Variants in SPEN observed in about 807,000 individuals in gnomAD.
SPEN encodes the protein msx2-interacting protein.
SPEN carries 18 observed loss-of-function variants against 269.9 expected under a neutral mutation model. That is an observed-to-expected ratio of 0.07 (90% confidence interval 0.05 to 0.10). The LOEUF (loss-of-function observed/expected upper bound fraction) is 0.10. Ranked by LOEUF, SPEN falls within the 10% of genes least tolerant of loss-of-function variation. The probability of loss-of-function intolerance (pLI) is 1.00; values close to 1 mark genes in which losing one functional copy is unlikely to be tolerated. For synonymous variants in SPEN, 1,726 were observed against 1,765.7 expected, an observed-to-expected ratio of 0.98 and a Z score of 0.56; for missense variants, 3,822 against 4,631.2, an observed-to-expected ratio of 0.83 and a Z score of 5.07.
At chr1:15,879,744 C>T (rs753067061) in intron 3 of SPEN, among the ~76,000 whole-genome samples, 6 of 151,630 alleles carry the variant, frequency 4.0e-5, no homozygotes, top group Non-Finnish European at 8.8e-5. Flanking sequence ...GATCTCGGCT[C>T]ACTGCAAGCT....
In SPEN at chr1:15,932,300, A is replaced by G. The variant is rs1031502302; in HGVS notation, c.6060A>G (p.Gln2020=). ...AGGCCACCACTGAGGTGGGCCCCCA[A>G]ATAGGCGTGAAAGAGAGCTCCATGG... ...RPEATTEVGP[Q]IGVKESSMEP... The change falls in exon 11 of 15, where the codon CAA becomes CAG. Residue 2020 remains glutamine (Q), a synonymous_variant. Coordinates refer to ENST00000375759, the MANE Select transcript of SPEN (RefSeq NM_015001.3). The surrounding 1 kb of genome is among the most constrained non-coding windows in gnomAD (Gnocchi z 4.2). 9 of 1,607,492 alleles carry G rather than the reference A, an allele frequency of 5.6e-6. No individual in the cohort carries two copies. Among genetic ancestry groups the G allele is most frequent in the Admixed American group, 5.1e-5 (3 of 58,458 alleles).
chr1:15,919,966 C>T (rs1342590933), intron 8 of SPEN, among the ~76,000 whole-genome samples: 2 of 151,994 alleles, frequency 1.3e-5, no homozygotes, highest in Non-Finnish European at 2.9e-5. Context: ...GGTCTCCAGA[C>T]CCAATTCAGT....
chr1:15,851,311 T>G (rs1246383709), intron 1 of SPEN, among the ~76,000 whole-genome samples: 2 of 152,232 alleles, frequency 1.3e-5, no homozygotes, highest in African/African-American at 4.8e-5. Context: ...AAATCTGTTG[T>G]TATTTTTACA....
chr1:15,940,134 TAAAAA>T lies in SPEN; in HGVS notation c.*709_*713del. On this transcript the variant is annotated 3_prime_UTR_variant, in exon 15 of 15. Coordinates refer to ENST00000375759, the MANE Select transcript of SPEN (RefSeq NM_015001.3). ...TATATAAATATATATAATACTGACT[TAAAAA>T]ATCAAATCCCCCGACATACGTTTTT... The T allele has an allele frequency of 4.5e-6, 1 of 220,422 alleles. No homozygotes were observed. Among genetic ancestry groups the T allele is most frequent in the Admixed American group, 5.8e-5 (1 of 17,180 alleles). The allele number at this position is 220,422 out of a possible 1,614,324, so 13.7% of individuals were successfully genotyped here. A position where few individuals can be genotyped will look rare whatever the true frequency, so the allele number is the denominator to read the frequency against.
rs751210646 is a variant in SPEN at position 15,930,769 on chromosome 1, A to G, written c.4529A>G (p.Asp1510Gly). Residue 1510 changes from aspartate to glycine, a missense_variant, in exon 11 of 15, where the codon GAT becomes GGT. Around this residue, in one of 16 missense-constraint regions of SPEN, gnomAD observed 533 missense variants for 618.8 expected, o/e 0.86. Transcript: ENST00000375759. This position sits in a 1 kb window ranked among gnomAD's most constrained non-coding sequence, Gnocchi z 5.3. ...ACTGATTCAGAAGGGAAAATGGATGATAAGAAAGAGGACCATAAAGAAGAA... is the reference window on the plus strand; with the variant it reads ...ACTGATTCAGAAGGGAAAATGGATGGTAAGAAAGAGGACCATAAAGAAGAA... ...IRTDSEGKMD[D>G]KKEDHKEEEQ... 5.6e-6 allele frequency: 9 copies of G among 1,614,224 alleles called. No individual in the cohort carries two copies. The highest frequency in any genetic ancestry group is 5.5e-5 in the South Asian group (5 of 91,078).
At chr1:15,895,860 T>A (rs760233868) in intron 3 of SPEN, among the ~76,000 whole-genome samples, 9 of 151,804 alleles carry the variant, frequency 5.9e-5, no homozygotes, top group Non-Finnish European at 1.3e-4. Context: ...TTTTTTATAT[T>A]TTTATTAGAG....
At position 15,929,169 on chromosome 1, in the gene SPEN, G is replaced by T. The variant is rs2071197455; in HGVS notation, c.2929G>T (p.Asp977Tyr). ...EQPADGVSAV[D>Y]LEKLEARKRR... ...GCCTGCAGATGGGGTAAGTGCTGTG[G>T]ATCTGGAGAAGCTGGAAGCCAGGAA... is the stretch of plus-strand genomic sequence containing the variant. The change falls in exon 11 of 15, where the codon GAT becomes TAT. Residue 977 changes from aspartate to tyrosine, a missense_variant. Coordinates refer to ENST00000375759, the MANE Select transcript of SPEN (RefSeq NM_015001.3). The surrounding 1 kb of genome is among the most constrained non-coding windows in gnomAD (Gnocchi z 5.8). 1 of 1,614,064 alleles carries T rather than the reference G, an allele frequency of 6.2e-7. No individual in the cohort carries two copies. The highest frequency in any genetic ancestry group is 8.5e-7 in the Non-Finnish European group (1 of 1,180,038).
rs779004613 is a variant in SPEN at position 15,931,390 on chromosome 1, C to G, written c.5150C>G (p.Ala1717Gly). ...DPDKEAAMMP[A>G]GVEEGSSGDQ... Reference sequence around the variant, plus strand: ...GATAAAGAAGCTGCCATGATGCCTGCGGGTGTTGAGGAAGGTTCATCAGGT... The same window carrying G: ...GATAAAGAAGCTGCCATGATGCCTGGGGGTGTTGAGGAAGGTTCATCAGGT... The change falls in exon 11 of 15, where the codon GCG becomes GGG. Residue 1717 changes from alanine to glycine, a missense_variant. Around this residue, in one of 16 missense-constraint regions of SPEN, gnomAD observed 533 missense variants for 618.8 expected, o/e 0.86. Coordinates refer to ENST00000375759, the MANE Select transcript of SPEN (RefSeq NM_015001.3). The surrounding 1 kb of genome is among the most constrained non-coding windows in gnomAD (Gnocchi z 4.8). 8.7e-6 allele frequency: 14 copies of G among 1,614,038 alleles called. No homozygotes were observed. The highest frequency in any genetic ancestry group is 1.2e-5 in the Non-Finnish European group (14 of 1,180,050).
chr1:15,930,262 A>C lies in SPEN; in HGVS notation c.4022A>C (p.Asp1341Ala). Residue 1341 changes from aspartate to alanine, a missense_variant, in exon 11 of 15, where the codon GAC (aspartate) becomes GCC (alanine). By Grantham distance (126) the Asp-to-Ala change is moderately radical. Coordinates refer to ENST00000375759, the MANE Select transcript of SPEN (RefSeq NM_015001.3). The surrounding 1 kb of genome is among the most constrained non-coding windows in gnomAD (Gnocchi z 5.3). ...LNSEDELNRW[D>A]SQMKQDAGRF... ...TCTGAAGATGAACTAAATCGTTGGG[A>C]CTCTCAGATGAAACAGGATGCTGGC... The C allele has an allele frequency of 1.2e-6, 2 of 1,614,082 alleles. No homozygotes were observed. Among genetic ancestry groups the C allele is most frequent in the Non-Finnish European group, 1.7e-6 (2 of 1,180,014 alleles).
chr1:15,852,468 T>C (rs1316160767), intron 1 of SPEN, among the ~76,000 whole-genome samples: 5 of 152,134 alleles, frequency 3.3e-5, no homozygotes, highest in African/African-American at 1.2e-4. Context: ...AGAAAAATTA[T>C]ACAGAATAAT....
At position 15,935,479 on chromosome 1, in the gene SPEN, C is replaced by A; in HGVS notation, c.9239C>A (p.Pro3080Gln). ...CACCCAGAGCAGTCTGTCATCATGC[C>A]ACCCCACAGCATCACCCAGACTGTG... ...SIHPEQSVIM[P>Q]PHSITQTVSL... The change falls in exon 11 of 15, where the codon CCA becomes CAA. Residue 3080 changes from proline to glutamine, a missense_variant. This residue lies in a region of SPEN where 153 missense variants were observed against 228.5 expected (regional missense o/e 0.67). Coordinates refer to ENST00000375759, the MANE Select transcript of SPEN (RefSeq NM_015001.3). This position sits in a 1 kb window ranked among gnomAD's most constrained non-coding sequence, Gnocchi z 7.7. 6.2e-7 allele frequency: 1 copy of A among 1,614,118 alleles called. No homozygotes were observed. Among genetic ancestry groups the A allele is most frequent in the Non-Finnish European group, 8.5e-7 (1 of 1,180,010 alleles).
chr1:15,847,993 C>T lies in SPEN; in HGVS notation c.-75C>T, dbSNP rs2070290430. The T allele has an allele frequency of 6.8e-6, 7 of 1,035,884 alleles. 1 individual carries two copies. Among genetic ancestry groups the T allele is most frequent in the Non-Finnish European group, 7.5e-6 (6 of 795,792 alleles). The allele number at this position is 1,035,884 out of a possible 1,614,324, so 64.2% of individuals were successfully genotyped here. A position where few individuals can be genotyped will look rare whatever the true frequency, so the allele number is the denominator to read the frequency against. Reference sequence around the variant, plus strand: ...CCGCCGCCGCCGCCCCGGCACCCGCCTCCCGGCGCTGACGGTCTCGTACGA... The same window carrying T: ...CCGCCGCCGCCGCCCCGGCACCCGCTTCCCGGCGCTGACGGTCTCGTACGA... On this transcript the variant is annotated 5_prime_UTR_variant, in exon 1 of 15. Coordinates refer to ENST00000375759, the MANE Select transcript of SPEN (RefSeq NM_015001.3).
Position 15,931,008 on chromosome 1 carries a change from C to T in SPEN, c.4768C>T (p.Leu1590Phe), listed in dbSNP as rs2071214583. 1.2e-6 allele frequency: 2 copies of T among 1,614,006 alleles called. No individual in the cohort carries two copies. The highest frequency in any genetic ancestry group is 1.1e-5 in the South Asian group (1 of 91,042). Reference protein sequence around the residue: ...VVLFHSRFMELTRMQQKEKEK... With the variant: ...VVLFHSRFMEFTRMQQKEKEK... The stretch of plus-strand genomic sequence containing the variant: ...TCTGTTCCATAGCAGATTTATGGAG[C>T]TCACACGGATGCAACAGAAAGAAAA... Residue 1590 changes from leucine (L) to phenylalanine (F), a missense_variant, in exon 11 of 15, where the codon CTC becomes TTC. Leu to Phe is a conservative substitution (Grantham distance 22, BLOSUM62 0). This residue lies in a region of SPEN where 533 missense variants were observed against 618.8 expected (regional missense o/e 0.86). Coordinates refer to ENST00000375759, the MANE Select transcript of SPEN (RefSeq NM_015001.3). The surrounding 1 kb of genome is among the most constrained non-coding windows in gnomAD (Gnocchi z 4.8).
At chr1:15,889,434 G>A (rs1316209098) in intron 3 of SPEN, among the ~76,000 whole-genome samples, 1 of 152,006 alleles carries the variant, frequency 6.6e-6, no homozygotes, top group Non-Finnish European at 1.5e-5. Context: ...CCAAAGTGCT[G>A]GGATTACAGG....
intron 3 of SPEN, among the ~76,000 whole-genome samples, chr1:15,885,265 A>G (rs1194463882): frequency 6.6e-6 from 1 of 152,000 alleles, no homozygotes; most frequent in African/African-American, 2.4e-5. Context: ...CACCACGCCC[A>G]GCCCATTCTT....
At chr1:15,921,599 T>C (rs1403305119) in intron 9 of SPEN, among the ~76,000 whole-genome samples, 1 of 152,208 alleles carries the variant, frequency 6.6e-6, no homozygotes, top group Admixed American at 6.5e-5. Context: ...GTTATGGGTA[T>C]CTGACACCCA....
At chr1:15,903,384 T>C (rs1206121027) in intron 3 of SPEN, among the ~76,000 whole-genome samples, 1 of 152,190 alleles carries the variant, frequency 6.6e-6, no homozygotes, top group Non-Finnish European at 1.5e-5. Flanking sequence ...TTTGGAAATG[T>C]GGTTAGGAAA....
rs775590723 is a variant in SPEN at position 15,934,795 on chromosome 1, C to G, written c.8555C>G (p.Ser2852Cys). 223 of 1,614,174 alleles carry G rather than the reference C, an allele frequency of 1.4e-4. No homozygotes were observed. The South Asian group carries it at 2.3e-3, about 17-fold the overall frequency. The change falls in exon 11 of 15, where the codon TCC becomes TGC. Residue 2852 changes from serine to cysteine, a missense_variant. Coordinates refer to ENST00000375759, the MANE Select transcript of SPEN (RefSeq NM_015001.3). The surrounding 1 kb of genome is among the most constrained non-coding windows in gnomAD (Gnocchi z 9.2). The part of the protein sequence containing the change: ...AMDIEFQQSV[S>C]KSQVKPDSVT... Reference sequence around the variant, plus strand: ...GACATTGAATTTCAGCAGTCAGTGTCCAAGTCCCAGGTCAAACCTGATTCT... The same window carrying G: ...GACATTGAATTTCAGCAGTCAGTGTGCAAGTCCCAGGTCAAACCTGATTCT...
At chr1:15,882,851 A>C (rs1273811818) in intron 3 of SPEN, among the ~76,000 whole-genome samples, 2 of 152,156 alleles carry the variant, frequency 1.3e-5, no homozygotes, top group Non-Finnish European at 2.9e-5. Context: ...GTAGGTTGGT[A>C]GGCCCTCATG....
Sources: allele counts gnomAD v4.1 joint callset (sites outside exome capture counted in the v4.1 genomes callset), GRCh38; gene constraint gnomAD v4.1.1; regional missense constraint gnomAD v4.1.1; non-coding constraint Gnocchi (gnomAD v3.1); transcripts MANE v1.5; gene names NCBI Gene and HGNC (gene_info 2026-07-23, HGNC 2026-07-21).